The following PLEKHG5 variants were observed in gnomAD, a reference collection of about 807,000 sequenced individuals.
The protein encoded by PLEKHG5 is pleckstrin homology and RhoGEF domain containing G5, also known as pleckstrin homology domain-containing family G member 5.
Under a neutral mutation model 103.8 loss-of-function variants are expected in PLEKHG5, and 52 were observed. The ratio of observed to expected loss-of-function variants is 0.50; its 90% CI spans 0.40 to 0.63. The LOEUF (loss-of-function observed/expected upper bound fraction) is 0.63. Among genes scored for constraint, PLEKHG5 ranks in the 30% least tolerant of loss-of-function variants. The pLI is 0.00. For synonymous variants in PLEKHG5, 592 were observed against 575.5 expected (o/e 1.03, Z -0.41); for missense variants, 1,205 against 1,347.6 (o/e 0.89, Z 1.66).
chr1:6,506,468 C>T (rs149851972), intron 1 of PLEKHG5, among the ~76,000 whole-genome samples: 2,169 of 152,342 alleles, frequency 0.014, 46 homozygotes, highest in African/African-American at 0.049. Flanking sequence ...CGTCTGGGGA[C>T]GACAGAGGCC....
At position 6,468,177 on chromosome 1, in the gene PLEKHG5, CCAGCAGCTGG is replaced by C; in HGVS notation, c.2649_2658del (p.Leu885GlyfsTer54). The C allele has an allele frequency of 6.4e-7, 1 of 1,569,068 alleles. No individual in the cohort carries two copies. The highest frequency in any genetic ancestry group is 8.7e-7 in the Non-Finnish European group (1 of 1,155,954). On this transcript the variant is annotated frameshift_variant, in exon 20 of 21. Coordinates refer to ENST00000377728, the MANE Select transcript of PLEKHG5 (RefSeq NM_020631.6). LOFTEE classifies it high-confidence loss of function. ...GGTGTCCCATGGGTGCCAGCCCCTGCCAGCAGCTGGAGGAGGCTGGCCTCGGACTTAGACT... is the reference window on the plus strand; with the variant it reads ...GGTGTCCCATGGGTGCCAGCCCCTGCAGGAGGCTGGCCTCGGACTTAGACT...
At position 6,473,940 on chromosome 1, in the gene PLEKHG5, C is replaced by T. The variant is rs575994814; in HGVS notation, c.591+73G>A. ...GCAGTGAGAGACCCAGGGTGACTGC[C>T]TCTGAGGAGGGGCTGTGGGCCCAGC... On this transcript the variant is annotated intron_variant, in intron 7 of 20. Transcript: ENST00000377728. 3.5e-6 allele frequency: 5 copies of T among 1,436,652 alleles called. No homozygotes were observed. The South Asian group carries it at 6.2e-5, about 18-fold the overall frequency. 89.0% of individuals were successfully genotyped at this position (1,436,652 alleles called of 1,614,324 possible).
At chr1:6,471,933 C>T (rs1407716308) in intron 10 of PLEKHG5, 125 bp from the exon 11 acceptor site, 3 of 953,608 alleles carry the variant, frequency 3.1e-6, no homozygotes, top group East Asian at 2.6e-5. Context: ...ACAGCAGCCA[C>T]GGATAAGAAG....
rs3007426 is a variant in PLEKHG5, at chr1:6,487,355, T to C, written c.-88+4282A>G. ...GTCACTAACTCCTGATCTCAAGTGA[T>C]CCACCCCCACCTTGGCCTCCCAAAG... On this transcript the variant is annotated intron_variant, in intron 1 of 20. Transcript: ENST00000377728. This position sits in a 1 kb window ranked among gnomAD's most constrained non-coding sequence, Gnocchi z 4.1. Among the ~76,000 whole-genome samples, 2,909 of 152,252 alleles carry C rather than the reference T, an allele frequency of 0.019. 92 individuals carry two copies. The highest frequency in any genetic ancestry group is 0.067 in the African/African-American group (2,784 of 41,514).
intron 1 of PLEKHG5, chr1:6,485,934 C>T (rs1293537065): frequency 4.1e-6 from 4 of 985,088 alleles, no homozygotes; most frequent in Non-Finnish European, 4.8e-6. Flanking sequence ...GCTCTTTCTC[C>T]TGGGGAGCTC....
Position 6,518,687 on chromosome 1 carries a change from G to A in PLEKHG5, c.-165+758C>T, listed in dbSNP as rs908195619. ...GTTCCAGACCATCCTTGCCAGGGGC[G>A]TGCAACTTGAAGGCACAAAATGGGA... On this transcript the variant is annotated intron_variant, in intron 1 of 21. Coordinates refer to the PLEKHG5 transcript ENST00000377740. Among the ~76,000 whole-genome samples, 72 of 152,072 alleles carry A rather than the reference G, an allele frequency of 4.7e-4. 1 individual carries two copies. The highest frequency in any genetic ancestry group is 4.2e-4 in the South Asian group (2 of 4,816).
At chr1:6,472,501 CG>C in intron 10 of PLEKHG5, 25 bp downstream of exon 10, 2 of 1,525,540 alleles carry the variant, frequency 1.3e-6, no homozygotes, top group Non-Finnish European at 1.8e-6. Flanking sequence ...AGGGTGGCCA[CG>C]GGGACCAGCG....
rs1350133668 is a variant in PLEKHG5, at chr1:6,490,472, C to G, written c.-88+1165G>C. The G allele has an allele frequency of 1.0e-6, 1 of 968,314 alleles. No individual in the cohort carries two copies. The highest frequency in any genetic ancestry group is 4.7e-5 in the South Asian group (1 of 21,064). The allele number at this position is 968,314 out of a possible 1,614,324, so 60.0% of individuals were successfully genotyped here. ...AGGAACAGGACCAGGGTCTCCTCCC[C>G]GGTGTCTAAGGCTCTAAGGCTCGGG... is the stretch of plus-strand genomic sequence containing the variant. On this transcript the variant is annotated intron_variant, in intron 1 of 20. Coordinates refer to ENST00000377728, the MANE Select transcript of PLEKHG5 (RefSeq NM_020631.6). The surrounding 1 kb of genome is among the most constrained non-coding windows in gnomAD (Gnocchi z 8.0).
intron 1 of PLEKHG5, among the ~76,000 whole-genome samples, chr1:6,511,081 T>C (rs1009428747): frequency 6.6e-6 from 1 of 150,984 alleles, no homozygotes; most frequent in African/African-American, 2.4e-5. Context: ...CGAGTGAAAC[T>C]GTGTCAAAAA....
At chr1:6,482,795 G>A (rs956233209) in intron 1 of PLEKHG5, among the ~76,000 whole-genome samples, 9 of 152,142 alleles carry the variant, frequency 5.9e-5, no homozygotes, top group African/African-American at 1.9e-4. Context: ...TGCAACCTCC[G>A]CCTCCTGGGT....
chr1:6,509,604 G>T (rs1378739641), intron 1 of PLEKHG5, among the ~76,000 whole-genome samples: 2 of 152,188 alleles, frequency 1.3e-5, no homozygotes, highest in Non-Finnish European at 2.9e-5. Flanking sequence ...ACAGGCTGGG[G>T]GCTCCACGGG....
chr1:6,491,858 C>T (rs1557763305), upstream of PLEKHG5, among the ~76,000 whole-genome samples: 1 of 152,238 alleles, frequency 6.6e-6, no homozygotes, highest in Non-Finnish European at 1.5e-5. This position sits in a 1 kb window ranked among gnomAD's most constrained non-coding sequence, Gnocchi z 4.1. Flanking sequence ...TTGCATATGT[C>T]TAGTGATGGG....
chr1:6,480,632 A>AT (rs1354765535), intron 1 of PLEKHG5, among the ~76,000 whole-genome samples: 1 of 149,980 alleles, frequency 6.7e-6, no homozygotes, highest in African/African-American at 2.5e-5. Context: ...GATTCTTCTG[A>AT]TGGCTGCAAG....
chr1:6,476,047 A>G lies in PLEKHG5; in HGVS notation c.44-11T>C. On this transcript the variant is annotated splice_polypyrimidine_tract_variant and intron_variant, in intron 2 of 20. Coordinates refer to ENST00000377728, the MANE Select transcript of PLEKHG5 (RefSeq NM_020631.6). Reference sequence around the variant, plus strand: ...GGGCCAGCACAGAGCCTTGGGAGAAAGCAGGAGAGGGTTGTGCCTCCCCCG... The same window carrying G: ...GGGCCAGCACAGAGCCTTGGGAGAAGGCAGGAGAGGGTTGTGCCTCCCCCG... The G allele has an allele frequency of 6.2e-7, 1 of 1,611,358 alleles. No individual in the cohort carries two copies. The highest frequency in any genetic ancestry group is 8.5e-7 in the Non-Finnish European group (1 of 1,178,980).
rs746193927 is a variant in PLEKHG5 at position 6,472,977 on chromosome 1, C to T, written c.984+9G>A. The T allele has an allele frequency of 1.7e-5, 28 of 1,612,812 alleles. No individual in the cohort carries two copies. Among genetic ancestry groups the T allele is most frequent in the South Asian group, 9.9e-5 (9 of 91,068 alleles). The stretch of plus-strand genomic sequence containing the variant: ...ACAAGGAGGGAGCAGCACTGTGGCC[C>T]GCACTCACCTCATGCCCATCAATGA... On this transcript the variant is annotated intron_variant, in intron 9 of 20. Transcript: ENST00000377728.
chr1:6,469,267 G>A (rs865965666), intron 18 of PLEKHG5, 26 bp from the exon 19 acceptor site: 2 of 1,613,700 alleles, frequency 1.2e-6, no homozygotes, highest in Non-Finnish European at 1.7e-6. Context: ...GGGTACATGG[G>A]ACAGAATGGG....
Position 6,491,381 on chromosome 1 carries a change from C to G in PLEKHG5, c.-88+256G>C, listed in dbSNP as rs750126041. Reference sequence around the variant, plus strand: ...GGCTGGGCCTATACTAGGGCAGCTCCTGGCTGGGCCAGGGATCCCCACGTC... The same window carrying G: ...GGCTGGGCCTATACTAGGGCAGCTCGTGGCTGGGCCAGGGATCCCCACGTC... On this transcript the variant is annotated intron_variant, in intron 1 of 20. Coordinates refer to ENST00000377728, the MANE Select transcript of PLEKHG5 (RefSeq NM_020631.6). This position sits in a 1 kb window ranked among gnomAD's most constrained non-coding sequence, Gnocchi z 4.1. 6.6e-6 allele frequency among the ~76,000 whole-genome samples: 1 copy of G among 152,202 alleles called. No individual in the cohort carries two copies. The highest frequency in any genetic ancestry group is 1.5e-5 in the Non-Finnish European group (1 of 68,026).
chr1:6,499,841 C>G (rs1043404282), upstream of PLEKHG5, among the ~76,000 whole-genome samples: 23 of 151,944 alleles, frequency 1.5e-4, no homozygotes, highest in African/African-American at 5.6e-4. Context: ...GCTCTGTTAC[C>G]CAGGCTGGAG....
At position 6,476,103 on chromosome 1, in the gene PLEKHG5, C is replaced by T; in HGVS notation, c.44-67G>A. On this transcript the variant is annotated intron_variant, in intron 2 of 20. Coordinates refer to ENST00000377728, the MANE Select transcript of PLEKHG5 (RefSeq NM_020631.6). Reference sequence around the variant, plus strand: ...CCTTAGCCTGCAGCATGGCTGCCTCCAGAGGGACCACAGCCTGTTACCCTG... The same window carrying T: ...CCTTAGCCTGCAGCATGGCTGCCTCTAGAGGGACCACAGCCTGTTACCCTG... 4 of 1,363,040 alleles carry T rather than the reference C, an allele frequency of 2.9e-6. No individual in the cohort carries two copies. The South Asian group carries it at 4.7e-5, about 16-fold the overall frequency. The allele number at this position is 1,363,040 out of a possible 1,614,324, so 84.4% of individuals were successfully genotyped here.
Sources: gnomAD v4.1 joint callset for allele counts (sites outside exome capture counted in the v4.1 genomes callset) on GRCh38, gnomAD v4.1.1 for gene constraint, Gnocchi (gnomAD v3.1) non-coding constraint, MANE v1.5 for transcripts, NCBI Gene and HGNC (gene_info 2026-07-23, HGNC 2026-07-21) for gene names.